Variants in ATG10 observed in about 807,000 individuals in gnomAD.
ATG10 encodes the protein autophagy related 10.
ATG10 carries 30 observed loss-of-function variants against 32.1 expected under a neutral mutation model. That is an observed-to-expected ratio of 0.94 (90% confidence interval 0.70 to 1.27). ATG10 has a LOEUF of 1.27. Ranked by LOEUF, ATG10 falls within the 50% of genes most tolerant of loss-of-function variation. The pLI is 0.00. For synonymous variants in ATG10, 87 were observed against 91.5 expected, an observed-to-expected ratio of 0.95 and a Z score of 0.28; for missense variants, 233 against 262.3, an observed-to-expected ratio of 0.89 and a Z score of 0.77.
At chr5:82,052,980 C>T (rs112787159) in intron 2 of ATG10, among the ~76,000 whole-genome samples, 70 of 152,208 alleles carry the variant, frequency 4.6e-4, no homozygotes, top group African/African-American at 1.5e-3. Flanking sequence ...GTGACTATAT[C>T]CATAAGGTAA....
At chr5:82,056,202 C>T (rs1171555154) in intron 2 of ATG10, among the ~76,000 whole-genome samples, 1 of 152,096 alleles carries the variant, frequency 6.6e-6, no homozygotes, top group Non-Finnish European at 1.5e-5. Context: ...ATTTATGTTA[C>T]TTAATAGCAA....
At chr5:82,221,079 A>G (rs1205056654) in intron 5 of ATG10, among the ~76,000 whole-genome samples, 1 of 152,022 alleles carries the variant, frequency 6.6e-6, no homozygotes, top group Non-Finnish European at 1.5e-5. Context: ...TATGGTTTCT[A>G]TATATACATG....
At chr5:82,153,900 CCTG>C (rs1767705579) in intron 3 of ATG10, among the ~76,000 whole-genome samples, 1 of 128,758 alleles carries the variant, frequency 7.8e-6, no homozygotes, top group Non-Finnish European at 1.6e-5. Context: ...GCAACTGTGG[CCTG>C]CTGCCTATTT....
intron 1 of ATG10, among the ~76,000 whole-genome samples, chr5:81,978,999 A>C (rs1389653292): frequency 6.6e-6 from 1 of 151,996 alleles, no homozygotes; most frequent in African/African-American, 2.4e-5. Flanking sequence ...TCCTGGGTTT[A>C]AGTGATTCTC....
At chr5:81,991,091 G>A (rs1293015329) in intron 2 of ATG10, among the ~76,000 whole-genome samples, 3 of 152,174 alleles carry the variant, frequency 2.0e-5, no homozygotes, top group Non-Finnish European at 4.4e-5. Context: ...TAGTGAAAGG[G>A]GCTCTAGGCA....
chr5:82,250,437 C>T (rs935323677), intron 5 of ATG10, among the ~76,000 whole-genome samples: 3 of 152,142 alleles, frequency 2.0e-5, no homozygotes, highest in African/African-American at 2.4e-5. Flanking sequence ...CTGGAAGATC[C>T]AGTGTCTGGT....
chr5:82,157,440 A>C (rs973848381), intron 3 of ATG10, among the ~76,000 whole-genome samples: 6 of 148,076 alleles, frequency 4.1e-5, no homozygotes, highest in African/African-American at 1.5e-4. Context: ...CGTTGCTTGC[A>C]AAGGTTCTTG....
chr5:81,987,965 A>G (rs1421488834), intron 2 of ATG10, among the ~76,000 whole-genome samples: 29 of 152,206 alleles, frequency 1.9e-4, no homozygotes, highest in Admixed American at 1.9e-3. Context: ...CTGAATGTAA[A>G]CAGATGTTTC....
intron 2 of ATG10, among the ~76,000 whole-genome samples, chr5:82,016,794 T>C (rs1204547932): frequency 1.3e-5 from 2 of 151,952 alleles, no homozygotes; most frequent in African/African-American, 4.8e-5. Flanking sequence ...GTTCACACCA[T>C]TCTCCTGCCT....
At chr5:81,985,896 G>A (rs2149664757) in intron 1 of ATG10, among the ~76,000 whole-genome samples, 1 of 152,288 alleles carries the variant, frequency 6.6e-6, no homozygotes, top group East Asian at 1.9e-4. Flanking sequence ...TCGAGTAGCT[G>A]GGACTACAGG....
intron 2 of ATG10, chr5:82,009,981 G>GCATGAAAATT (rs1415263696): frequency 6.2e-7 from 1 of 1,611,338 alleles, no homozygotes; most frequent in African/African-American, 1.3e-5. Flanking sequence ...AGTGCTCAGA[G>GCATGAAAATT]CATGAAAATT....
chr5:81,976,096 G>C (rs1311895493), intron 1 of ATG10: 2 of 150,996 alleles, frequency 1.3e-5, no homozygotes, highest in Non-Finnish European at 2.9e-5. Flanking sequence ...CGGCCCCCGA[G>C]TTCACGCCAT....
chr5:82,227,924 G>A (rs1746198188), intron 5 of ATG10, among the ~76,000 whole-genome samples: 1 of 152,008 alleles, frequency 6.6e-6, no homozygotes, highest in African/African-American at 2.4e-5. Context: ...AGTATGTATG[G>A]GCTGGGTGCA....
intron 5 of ATG10, among the ~76,000 whole-genome samples, chr5:82,180,767 C>T (rs1004050120): frequency 6.6e-6 from 1 of 152,138 alleles, no homozygotes; most frequent in Non-Finnish European, 1.5e-5. Flanking sequence ...CTCTTGAATC[C>T]AGTTCTTACC....
chr5:82,079,488 G>T (rs1246819186), intron 3 of ATG10, among the ~76,000 whole-genome samples: 3 of 151,826 alleles, frequency 2.0e-5, no homozygotes, highest in Non-Finnish European at 2.9e-5. Flanking sequence ...TTTACATTAG[G>T]TATATCTCCT....
At chr5:82,012,907 C>A (rs967402347) in intron 2 of ATG10, among the ~76,000 whole-genome samples, 4 of 151,784 alleles carry the variant, frequency 2.6e-5, no homozygotes, top group African/African-American at 9.7e-5. Flanking sequence ...ATCCGCCTTC[C>A]GTGGCTTCCC....
chr5:82,093,763 G>A (rs763800241), intron 3 of ATG10, among the ~76,000 whole-genome samples: 11 of 152,010 alleles, frequency 7.2e-5, no homozygotes, highest in Non-Finnish European at 1.2e-4. Flanking sequence ...ACTTTGTTTT[G>A]GGGTACAGTT....
rs540806601 is a variant in ATG10, at chr5:81,982,702, A to T, written c.-12-4857A>T. Among the ~76,000 whole-genome samples, 365 of 152,162 alleles carry T rather than the reference A, an allele frequency of 2.4e-3. 1 individual carries two copies. Among genetic ancestry groups the T allele is most frequent in the African/African-American group, 8.6e-3 (358 of 41,502 alleles). On this transcript the variant is annotated intron_variant, in intron 1 of 7. Coordinates refer to ENST00000282185, the MANE Select transcript of ATG10 (RefSeq NM_031482.5). Reference sequence around the variant, plus strand: ...GGTCTCTGGTTTTCCTAGGCAGAGGACCCTGCGGCCTTCCGCAGTGTTTGT... The same window carrying T: ...GGTCTCTGGTTTTCCTAGGCAGAGGTCCCTGCGGCCTTCCGCAGTGTTTGT...
At chr5:82,135,073 C>T (rs1370574979) in intron 3 of ATG10, among the ~76,000 whole-genome samples, 1 of 151,502 alleles carries the variant, frequency 6.6e-6, no homozygotes, top group African/African-American at 2.4e-5. Flanking sequence ...TGGTGATCTC[C>T]CCTTTATCAT....
Sources: gnomAD v4.1 joint callset for allele counts (sites outside exome capture counted in the v4.1 genomes callset) on GRCh38, gnomAD v4.1.1 for gene constraint, MANE v1.5 for transcripts, NCBI Gene and HGNC (gene_info 2026-07-23, HGNC 2026-07-21) for gene names.